BMPR1B: variants seen among roughly 807,000 people sequenced by gnomAD.
The protein encoded by BMPR1B is bone morphogenetic protein receptor type 1B.
BMPR1B carries 12 observed loss-of-function variants against 59.1 expected under a neutral mutation model. The ratio of observed to expected loss-of-function variants is 0.20; its 90% CI spans 0.13 to 0.33. The LOEUF is 0.33. BMPR1B is among the 10% of genes least tolerant of loss of function. The pLI is 1.00. For missense variants in BMPR1B, 550 were observed against 610.9 expected (o/e 0.90, Z 1.05); for synonymous variants, 237 against 207.3 (o/e 1.14, Z -1.23).
chr4:94,769,209 T>A (rs1722079042), intron 1 of BMPR1B, among the ~76,000 whole-genome samples: 2 of 152,250 alleles, frequency 1.3e-5, no homozygotes, highest in African/African-American at 4.8e-5. Flanking sequence ...ATGTCTTTCT[T>A]ACAAATGGAA....
At chr4:94,941,826 A>G (rs1005077900) in intron 2 of BMPR1B, among the ~76,000 whole-genome samples, 1 of 152,228 alleles carries the variant, frequency 6.6e-6, no homozygotes, top group Non-Finnish European at 1.5e-5. Context: ...AGAAGTGTGC[A>G]GTGAAAGTTA....
intron 1 of BMPR1B, among the ~76,000 whole-genome samples, chr4:94,822,000 C>T (rs1448390844): frequency 6.6e-6 from 1 of 152,186 alleles, no homozygotes; most frequent in Non-Finnish European, 1.5e-5. Flanking sequence ...GTCTGTTTTG[C>T]TCTGCTATAA....
At chr4:94,957,333 GTTTTTTTTTT>G (rs56341742) in intron 2 of BMPR1B, among the ~76,000 whole-genome samples, 15 of 65,638 alleles carry the variant, frequency 2.3e-4, no homozygotes, top group Admixed American at 6.1e-4. Flanking sequence ...CCTGTTTCGT[GTTTTTTTTTT>G]TTTTTTTTTT....
chr4:95,105,232 A>G (rs1023052936), intron 4 of BMPR1B, among the ~76,000 whole-genome samples: 1 of 152,110 alleles, frequency 6.6e-6, no homozygotes. Context: ...CGGTAAGGTC[A>G]ACAGTGGATA....
At chr4:94,925,727 A>G (rs1263653670) in intron 2 of BMPR1B, among the ~76,000 whole-genome samples, 2 of 152,178 alleles carry the variant, frequency 1.3e-5, no homozygotes, top group African/African-American at 4.8e-5. Context: ...GAATTTGGAT[A>G]TTTGTAAGGA....
At chr4:94,785,855 A>G (rs1326883742) in intron 1 of BMPR1B, among the ~76,000 whole-genome samples, 9 of 152,212 alleles carry the variant, frequency 5.9e-5, no homozygotes, top group Non-Finnish European at 1.2e-4. Context: ...TGTGCTGAAC[A>G]ATATTGAATC....
intron 3 of BMPR1B, among the ~76,000 whole-genome samples, chr4:95,024,789 A>G (rs1344878906): frequency 3.9e-5 from 6 of 152,190 alleles, no homozygotes; most frequent in South Asian, 2.1e-4. Context: ...TAGGATTGTC[A>G]TGGAACTGAA....
intron 2 of BMPR1B, among the ~76,000 whole-genome samples, chr4:94,889,434 CAAGTT>C (rs1354506753): frequency 6.6e-6 from 1 of 151,994 alleles, no homozygotes; most frequent in Non-Finnish European, 1.5e-5. Context: ...AAAGTGAAAA[CAAGTT>C]AAGATTGAAA....
intron 2 of BMPR1B, among the ~76,000 whole-genome samples, chr4:94,987,551 C>T (rs752700608): frequency 2.0e-5 from 3 of 151,942 alleles, no homozygotes; most frequent in South Asian, 2.1e-4. Context: ...TTTGCTGAGT[C>T]CCTCCTTCCT....
At chr4:95,011,683 A>G (rs1461693782) in intron 3 of BMPR1B, among the ~76,000 whole-genome samples, 1 of 152,158 alleles carries the variant, frequency 6.6e-6, no homozygotes, top group Non-Finnish European at 1.5e-5. Flanking sequence ...TTAGCTGGCT[A>G]TATTACTACT....
chr4:94,956,144 C>G (rs1292285205), intron 2 of BMPR1B, among the ~76,000 whole-genome samples: 1 of 152,034 alleles, frequency 6.6e-6, no homozygotes, highest in Non-Finnish European at 1.5e-5. Flanking sequence ...AGTTTTAAAA[C>G]CAAACATGCC....
intron 1 of BMPR1B, among the ~76,000 whole-genome samples, chr4:94,816,456 A>G (rs191817074): frequency 3.9e-5 from 6 of 152,162 alleles, no homozygotes. Context: ...GAGCCACTGC[A>G]CCCGGCCTTA....
chr4:94,921,426 A>C (rs1728680994), intron 2 of BMPR1B, among the ~76,000 whole-genome samples: 1 of 152,080 alleles, frequency 6.6e-6, no homozygotes, highest in Non-Finnish European at 1.5e-5. Flanking sequence ...TCTACAGGAA[A>C]CGTAGCTCCA....
In BMPR1B at chr4:95,042,187, C is replaced by T. The variant is rs765847344; in HGVS notation, c.-18+46053C>T. Among the ~76,000 whole-genome samples the T allele has an allele frequency of 1.4e-3, 217 of 152,112 alleles. 1 individual carries two copies. Among genetic ancestry groups the T allele is most frequent in the Non-Finnish European group, 5.1e-4 (35 of 68,018 alleles). On this transcript the variant is annotated intron_variant, in intron 3 of 12. Transcript: ENST00000515059. ...AAACTTTTTGAGTACCCACCTAATA[C>T]GGTAAGTGGAAAATTCTACACCTGA...
At chr4:95,137,469 A>G (rs1358718745) in intron 10 of BMPR1B, among the ~76,000 whole-genome samples, 1 of 151,898 alleles carries the variant, frequency 6.6e-6, no homozygotes, top group African/African-American at 2.4e-5. Flanking sequence ...ATCCTTCTTA[A>G]CTTTCTGTCT....
At position 94,813,982 on chromosome 4, in the gene BMPR1B, A is replaced by G. The variant is rs1286815746; in HGVS notation, c.-183+55914A>G. ...TTGAGCATCTTAAGTTGCTATGCCT[A>G]TGAGATATGCAGGTGGGACTGCCAA... On this transcript the variant is annotated intron_variant, in intron 1 of 12. Coordinates refer to ENST00000515059, the MANE Select transcript of BMPR1B (RefSeq NM_001203.3). Among the ~76,000 whole-genome samples, 4 of 152,330 alleles carry G rather than the reference A, an allele frequency of 2.6e-5. No individual in the cohort carries two copies. In the East Asian group the frequency reaches 5.8e-4, roughly 22 times the overall value.
At chr4:94,837,432 G>A (rs75810060) in intron 1 of BMPR1B, among the ~76,000 whole-genome samples, 6 of 137,228 alleles carry the variant, frequency 4.4e-5, no homozygotes, top group African/African-American at 1.1e-4. Context: ...CTCTTATTTC[G>A]TTGAGCAGTG....
chr4:94,949,679 T>G (rs1043340202), intron 2 of BMPR1B, among the ~76,000 whole-genome samples: 8 of 151,920 alleles, frequency 5.3e-5, no homozygotes, highest in African/African-American at 1.9e-4. Context: ...TTTTCTTTAT[T>G]CAATCTGTCA....
chr4:95,074,471 A>G (rs1169461775), intron 3 of BMPR1B, among the ~76,000 whole-genome samples: 5 of 152,022 alleles, frequency 3.3e-5, no homozygotes, highest in Non-Finnish European at 5.9e-5. Flanking sequence ...GTGCACAGGA[A>G]TAGTTAACGA....
Sources: allele counts gnomAD v4.1 joint callset (sites outside exome capture counted in the v4.1 genomes callset), GRCh38; gene constraint gnomAD v4.1.1; transcripts MANE v1.5; gene names NCBI Gene and HGNC (gene_info 2026-07-23, HGNC 2026-07-21).